The following ANO2 variants were observed in gnomAD, a reference collection of about 807,000 sequenced individuals.
The protein encoded by ANO2 is anoctamin 2, also known as anoctamin-2.
ANO2 carries 101 observed loss-of-function variants against 124.2 expected under a neutral mutation model. That is an observed-to-expected ratio of 0.81 (90% confidence interval 0.69 to 0.96). The LOEUF (loss-of-function observed/expected upper bound fraction) is 0.96, where lower values mean the gene tolerates loss of function less well. ANO2 is among the 40% of genes least tolerant of loss of function. The pLI, the probability that ANO2 is intolerant of heterozygous loss-of-function variation, is 0.00. For synonymous variants in ANO2, 486 were observed against 482.5 expected, an observed-to-expected ratio of 1.01 and a Z score of -0.09; for missense variants, 1,293 against 1,274.5, an observed-to-expected ratio of 1.01 and a Z score of -0.22.
chr12:5,772,426 G>C (rs960087118), intron 10 of ANO2, among the ~76,000 whole-genome samples: 2 of 152,080 alleles, frequency 1.3e-5, no homozygotes. Context: ...CTTATCTTTT[G>C]GGAATAAAAG....
chr12:5,868,010 A>T (rs991850765), intron 3 of ANO2, among the ~76,000 whole-genome samples: 2 of 152,150 alleles, frequency 1.3e-5, no homozygotes, highest in Non-Finnish European at 2.9e-5. Context: ...CACAATGGAT[A>T]ACTACAGTCA....
intron 3 of ANO2, among the ~76,000 whole-genome samples, chr12:5,902,544 G>C (rs113606589): frequency 1.1e-4 from 14 of 128,356 alleles, no homozygotes; most frequent in African/African-American, 4.2e-4. Flanking sequence ...AGCCATGATC[G>C]CACCACTGCA....
chr12:5,802,044 C>A (rs777248701), intron 9 of ANO2, among the ~76,000 whole-genome samples: 3 of 152,176 alleles, frequency 2.0e-5, no homozygotes, highest in Non-Finnish European at 4.4e-5. Context: ...ACCTCCAGAG[C>A]AAATTCCTCC....
intron 4 of ANO2, among the ~76,000 whole-genome samples, chr12:5,837,472 C>A (rs1353677439): frequency 2.0e-5 from 2 of 100,658 alleles, no homozygotes; most frequent in African/African-American, 3.8e-5. Context: ...TGCTATCCCT[C>A]CCCCCTCCCC....
chr12:5,824,863 C>T (rs1215573618), intron 7 of ANO2, among the ~76,000 whole-genome samples: 1 of 152,086 alleles, frequency 6.6e-6, no homozygotes, highest in Non-Finnish European at 1.5e-5. Flanking sequence ...TACATGGTGG[C>T]AGCAAGAGAG....
intron 1 of ANO2, among the ~76,000 whole-genome samples, chr12:5,928,334 G>C (rs924414595): frequency 1.3e-5 from 2 of 152,304 alleles, no homozygotes; most frequent in Non-Finnish European, 2.9e-5. Context: ...AACCAGACAG[G>C]CCCAGGGCTG....
At chr12:5,785,870 C>T (rs149692700) in intron 10 of ANO2, among the ~76,000 whole-genome samples, 5 of 152,318 alleles carry the variant, frequency 3.3e-5, no homozygotes, top group East Asian at 1.9e-4. Context: ...TGAGATGCCA[C>T]GCAGACTTTT....
intron 3 of ANO2, among the ~76,000 whole-genome samples, chr12:5,854,885 T>C (rs987650434): frequency 4.0e-5 from 6 of 151,540 alleles, no homozygotes; most frequent in African/African-American, 1.5e-4. Context: ...CTGTTACAAA[T>C]AGGTGTCAGA....
chr12:5,585,038 C>A (rs1157390781), intron 20 of ANO2, among the ~76,000 whole-genome samples: 1 of 151,998 alleles, frequency 6.6e-6, no homozygotes. Context: ...TCCTTGACAG[C>A]CTCACGTGGT....
At chr12:5,672,145 C>T (rs1312292436) in intron 14 of ANO2, among the ~76,000 whole-genome samples, 19 of 152,188 alleles carry the variant, frequency 1.2e-4, no homozygotes, top group African/African-American at 4.3e-4. Context: ...TTCCCCACCG[C>T]ACCAATTCCC....
chr12:5,676,642 G>A (rs1948257457), intron 14 of ANO2, among the ~76,000 whole-genome samples: 1 of 151,726 alleles, frequency 6.6e-6, no homozygotes, highest in African/African-American at 2.4e-5. Flanking sequence ...TTTGTAAAGA[G>A]AAAAAATATA....
At chr12:5,640,014 C>T (rs1216868969) in intron 15 of ANO2, among the ~76,000 whole-genome samples, 1 of 152,128 alleles carries the variant, frequency 6.6e-6, no homozygotes, top group East Asian at 1.9e-4. Context: ...ACAATTCCCC[C>T]CTTACAAGAA....
At chr12:5,775,250 AGAG>A (rs1952194454) in intron 10 of ANO2, among the ~76,000 whole-genome samples, 1 of 152,152 alleles carries the variant, frequency 6.6e-6, no homozygotes, top group African/African-American at 2.4e-5. Flanking sequence ...CTAACGGATA[AGAG>A]AATAGAAATA....
intron 10 of ANO2, among the ~76,000 whole-genome samples, chr12:5,759,478 C>T (rs1056220118): frequency 6.6e-6 from 1 of 151,908 alleles, no homozygotes; most frequent in Non-Finnish European, 1.5e-5. Flanking sequence ...AGTTAGGAAC[C>T]AGGCCACACA....
intron 4 of ANO2, among the ~76,000 whole-genome samples, chr12:5,845,922 A>G (rs1194607125): frequency 6.6e-6 from 1 of 152,248 alleles, no homozygotes; most frequent in Non-Finnish European, 1.5e-5. Flanking sequence ...CATGGGATGC[A>G]GTATTAACTA....
intron 3 of ANO2, chr12:5,858,772 T>C (rs1591706592): frequency 6.6e-6 from 1 of 152,234 alleles, no homozygotes; most frequent in African/African-American, 2.4e-5. Context: ...AATGACTGCT[T>C]CTTGACTGCG....
intron 20 of ANO2, among the ~76,000 whole-genome samples, chr12:5,596,870 C>T (rs1943685945): frequency 6.6e-6 from 1 of 152,130 alleles, no homozygotes; most frequent in Non-Finnish European, 1.5e-5. Flanking sequence ...AGCACTAAGA[C>T]CCTCTTCTAT....
intron 7 of ANO2, among the ~76,000 whole-genome samples, chr12:5,816,371 T>C (rs1953610706): frequency 6.6e-6 from 1 of 151,936 alleles, no homozygotes; most frequent in African/African-American, 2.4e-5. Flanking sequence ...ACCAAAGAGC[T>C]TAGAGGGCAC....
chr12:5,631,337 T>C (rs1945709264), intron 16 of ANO2, among the ~76,000 whole-genome samples: 1 of 152,168 alleles, frequency 6.6e-6, no homozygotes, highest in Non-Finnish European at 1.5e-5. Flanking sequence ...CCTCCTGCCA[T>C]CTGGGTCTCA....
Sources: gnomAD v4.1 joint callset for allele counts (sites outside exome capture counted in the v4.1 genomes callset) on GRCh38, gnomAD v4.1.1 for gene constraint, MANE v1.5 for transcripts, NCBI Gene and HGNC (gene_info 2026-07-23, HGNC 2026-07-21) for gene names.